The following GRIN2A variants were observed in gnomAD, a reference collection of about 807,000 sequenced individuals.
GRIN2A encodes the protein glutamate receptor ionotropic, NMDA 2A.
In GRIN2A, 22 loss-of-function variants were observed where a neutral mutation model predicts 113.4. That is an observed-to-expected ratio of 0.19 (90% CI 0.14 to 0.28). GRIN2A has a LOEUF of 0.28. Ranked by LOEUF, GRIN2A falls within the 10% of genes least tolerant of loss-of-function variation. The probability of loss-of-function intolerance (pLI) is 1.00; values close to 1 mark genes in which losing one functional copy is unlikely to be tolerated. For missense variants in GRIN2A, 1,502 were observed against 1,887.0 expected (o/e 0.80, Z 3.78); for synonymous variants, 827 against 738.4 (o/e 1.12, Z -1.94).
intron 4 of GRIN2A, among the ~76,000 whole-genome samples, chr16:9,887,983 C>T (rs990154619): frequency 6.6e-6 from 1 of 152,208 alleles, no homozygotes; most frequent in Non-Finnish European, 1.5e-5. Context: ...TTCTCTCGCC[C>T]AGGCTGGAGT....
chr16:10,083,188 A>G (rs1198865443), intron 2 of GRIN2A, among the ~76,000 whole-genome samples: 4 of 152,266 alleles, frequency 2.6e-5, no homozygotes, highest in Non-Finnish European at 5.9e-5. Context: ...TGCAGAAGCT[A>G]CAGTAGAGAC....
At chr16:9,806,109 A>C (rs1424148379) in intron 10 of GRIN2A, among the ~76,000 whole-genome samples, 1 of 152,248 alleles carries the variant, frequency 6.6e-6, no homozygotes, top group Non-Finnish European at 1.5e-5. Flanking sequence ...GATGTCTTGC[A>C]TAGCGTAGTT....
intron 2 of GRIN2A, among the ~76,000 whole-genome samples, chr16:9,991,973 T>C (rs12444835): frequency 0.32 from 49,036 of 151,956 alleles, 8,369 homozygotes; most frequent in Middle Eastern, 0.38. Context: ...ACCTAGATGA[T>C]GGGTTGATGG....
intron 3 of GRIN2A, chr16:9,937,698 C>T (rs984932744): frequency 5.6e-5 from 28 of 502,606 alleles, no homozygotes; most frequent in Admixed American, 1.6e-4. Flanking sequence ...ACAGACAGAT[C>T]GATCAATCCC....
At chr16:9,984,216 C>G (rs537830903) in intron 2 of GRIN2A, among the ~76,000 whole-genome samples, 2 of 129,240 alleles carry the variant, frequency 1.5e-5, no homozygotes, top group Admixed American at 1.6e-4. Context: ...CTCATTTGCC[C>G]ATTTTTAATC....
intron 2 of GRIN2A, among the ~76,000 whole-genome samples, chr16:10,110,672 G>A (rs1210118145): frequency 6.6e-6 from 1 of 152,212 alleles, no homozygotes; most frequent in African/African-American, 2.4e-5. Flanking sequence ...CTTGTAGCAG[G>A]TTCTGGATAA....
chr16:10,100,988 T>C (rs2048383880), intron 2 of GRIN2A, among the ~76,000 whole-genome samples: 1 of 152,186 alleles, frequency 6.6e-6, no homozygotes, highest in Non-Finnish European at 1.5e-5. Flanking sequence ...GGGGTGCAGG[T>C]TACTGACATC....
At chr16:9,970,732 G>A in intron 2 of GRIN2A, 1 of 961,214 alleles carries the variant, frequency 1.0e-6, no homozygotes, top group South Asian at 4.8e-5. Flanking sequence ...AAAGCAGGCA[G>A]AGTCCCCTAC....
At chr16:9,882,783 C>CT (rs1158720495) in intron 4 of GRIN2A, among the ~76,000 whole-genome samples, 1 of 151,938 alleles carries the variant, frequency 6.6e-6, no homozygotes, top group Non-Finnish European at 1.5e-5. Flanking sequence ...GACCATGTCT[C>CT]TAAAAAAAAG....
Position 9,829,320 on chromosome 16 carries a change from T to A in GRIN2A, c.2007+103A>T, listed in dbSNP as rs1596471589. 6 of 741,060 alleles carry A rather than the reference T, an allele frequency of 8.1e-6. No homozygotes were observed. In the East Asian group the frequency reaches 1.6e-4, roughly 20 times the overall value. 45.9% of individuals were successfully genotyped at this position (741,060 alleles called of 1,614,324 possible). A position where few individuals can be genotyped will look rare whatever the true frequency, so the allele number is the denominator to read the frequency against. Reference sequence around the variant, plus strand: ...AAAAAACCTTCTGGCTTTTGTGCATTCGAGTTGATGGATCTCAATGAGAGG... The same window carrying A: ...AAAAAACCTTCTGGCTTTTGTGCATACGAGTTGATGGATCTCAATGAGAGG... On this transcript the variant is annotated intron_variant, in intron 9 of 12. Coordinates refer to ENST00000330684, the MANE Select transcript of GRIN2A (RefSeq NM_001134407.3).
chr16:9,944,318 A>G (rs1221623219), intron 2 of GRIN2A, among the ~76,000 whole-genome samples: 1 of 152,172 alleles, frequency 6.6e-6, no homozygotes, highest in Non-Finnish European at 1.5e-5. Context: ...AAAAACATCA[A>G]ATAAGCCTGG....
rs1900336233 is a variant in GRIN2A at position 9,755,986 on chromosome 16, C to G, written c.*7163G>C. On this transcript the variant is annotated 3_prime_UTR_variant, in exon 13 of 13. Coordinates refer to ENST00000330684, the MANE Select transcript of GRIN2A (RefSeq NM_001134407.3). The stretch of plus-strand genomic sequence containing the variant: ...CTATTTCCTATTCCCTGTCCCACCT[C>G]TGAAACTCATTCCATCTGCCTGGCA... 1 of 219,496 alleles carries G rather than the reference C, an allele frequency of 4.6e-6. No individual in the cohort carries two copies. The allele number at this position is 219,496 out of a possible 1,614,324, so 13.6% of individuals were successfully genotyped here.
intron 3 of GRIN2A, among the ~76,000 whole-genome samples, chr16:9,934,298 A>C (rs1446403802): frequency 6.6e-6 from 1 of 152,144 alleles, no homozygotes; most frequent in Non-Finnish European, 1.5e-5. Flanking sequence ...ATGGTGTTTG[A>C]GGAGAGAAAT....
intron 10 of GRIN2A, among the ~76,000 whole-genome samples, chr16:9,798,804 A>C (rs1175593454): frequency 6.6e-6 from 1 of 152,238 alleles, no homozygotes; most frequent in Non-Finnish European, 1.5e-5. Flanking sequence ...TTGCATCAGA[A>C]CAAAATAAAC....
chr16:10,043,280 G>A (rs7191131), intron 2 of GRIN2A, among the ~76,000 whole-genome samples: 32,870 of 152,060 alleles, frequency 0.22, 4,253 homozygotes, highest in East Asian at 0.52. Flanking sequence ...GAGAGGCACC[G>A]CTAGGATTCA....
intron 11 of GRIN2A, among the ~76,000 whole-genome samples, chr16:9,786,391 G>C (rs998101694): frequency 6.6e-6 from 1 of 152,086 alleles, no homozygotes; most frequent in Non-Finnish European, 1.5e-5. Context: ...CTGCTCCCAC[G>C]GTGCTGGGGC....
intron 3 of GRIN2A, among the ~76,000 whole-genome samples, chr16:9,914,505 G>A (rs2044203630): frequency 6.6e-6 from 1 of 152,186 alleles, no homozygotes; most frequent in South Asian, 2.1e-4. Context: ...AACAGCACAG[G>A]CTATTCCAGT....
At position 9,764,171 on chromosome 16, in the gene GRIN2A, C is replaced by T. The variant is rs1200593226; in HGVS notation, c.3373G>A (p.Glu1125Lys). Residue 1125 changes from glutamate to lysine, a missense_variant, in exon 13 of 13, where the codon GAG becomes AAG. Transcript: ENST00000330684. ...GGTGGATCTAAGTGGAAACCAGGCT[C>T]CTTCTCACCATCTATAGTGTAGATC... ...DKIYTIDGEK[E>K]PGFHLDPPQF... is the part of the protein sequence containing the mutation. 6 of 1,613,344 alleles carry T rather than the reference C, an allele frequency of 3.7e-6. No individual in the cohort carries two copies. Among genetic ancestry groups the T allele is most frequent in the Middle Eastern group, 1.6e-4 (1 of 6,084 alleles).
At chr16:9,792,315 T>C (rs1044265171) in intron 11 of GRIN2A, among the ~76,000 whole-genome samples, 18 of 152,114 alleles carry the variant, frequency 1.2e-4, no homozygotes, top group African/African-American at 4.3e-4. Flanking sequence ...CTCAAACTCC[T>C]GAGCTCAAGC....
Sources: allele counts gnomAD v4.1 joint callset (sites outside exome capture counted in the v4.1 genomes callset), GRCh38; gene constraint gnomAD v4.1.1; transcripts MANE v1.5; gene names NCBI Gene and HGNC (gene_info 2026-07-23, HGNC 2026-07-21).